HCN1: variants seen among roughly 807,000 people sequenced by gnomAD.
The protein encoded by HCN1 is potassium/sodium hyperpolarization-activated cyclic nucleotide-gated channel 1.
HCN1 carries 13 observed loss-of-function variants against 78.9 expected under a neutral mutation model. That is an observed-to-expected ratio of 0.16 (90% CI 0.11 to 0.26). HCN1 has a LOEUF of 0.26. HCN1 is among the 10% of genes least tolerant of loss of function. The pLI, the probability that HCN1 is intolerant of heterozygous loss-of-function variation, is 1.00. For synonymous variants in HCN1, 552 were observed against 455.5 expected, an observed-to-expected ratio of 1.21 and a Z score of -2.70; for missense variants, 810 against 1,154.3, an observed-to-expected ratio of 0.70 and a Z score of 4.32.
intron 2 of HCN1, among the ~76,000 whole-genome samples, chr5:45,567,780 T>G (rs1743739600): frequency 6.6e-6 from 1 of 152,048 alleles, no homozygotes; most frequent in Non-Finnish European, 1.5e-5. Context: ...TGAATGGCCA[T>G]TTTAACTGTC....
At chr5:45,494,028 C>G (rs1400641957) in intron 2 of HCN1, among the ~76,000 whole-genome samples, 1 of 152,058 alleles carries the variant, frequency 6.6e-6, no homozygotes, top group Non-Finnish European at 1.5e-5. Context: ...GGTTCCAAGT[C>G]TTTGCTATTG....
intron 2 of HCN1, among the ~76,000 whole-genome samples, chr5:45,518,692 T>C (rs1415867697): frequency 6.6e-6 from 1 of 151,966 alleles, no homozygotes; most frequent in Non-Finnish European, 1.5e-5. Flanking sequence ...GAAAAATTCA[T>C]CCTGGGGGTC....
chr5:45,443,965 A>C (rs987362566), intron 3 of HCN1, among the ~76,000 whole-genome samples: 2 of 152,186 alleles, frequency 1.3e-5, no homozygotes, highest in Non-Finnish European at 2.9e-5. Flanking sequence ...AGTAATACAA[A>C]GTTATGAACC....
Position 45,262,260 on chromosome 5 carries a change from G to C in HCN1, c.2334C>G (p.Asn778Lys). ...HKSTQALHNT[N>K]LTREVRPLSA... is the part of the protein sequence containing the mutation. ...AGAGTGGCCTGACTTCCCGGGTCAG[G>C]TTGGTGTTGTGAAGCGCCTGCGTGC... Residue 778 changes from asparagine to lysine, a missense_variant, in exon 8 of 8, where the codon AAC becomes AAG. Physicochemically the swap from Asn to Lys is moderately conservative, Grantham distance 94. Coordinates refer to ENST00000303230, the MANE Select transcript of HCN1 (RefSeq NM_021072.4). 1 of 1,614,028 alleles carries C rather than the reference G, an allele frequency of 6.2e-7. No homozygotes were observed. Among genetic ancestry groups the C allele is most frequent in the Non-Finnish European group, 8.5e-7 (1 of 1,180,042 alleles).
chr5:45,279,050 T>A (rs1745113922), intron 6 of HCN1, among the ~76,000 whole-genome samples: 1 of 152,110 alleles, frequency 6.6e-6, no homozygotes, highest in African/African-American at 2.4e-5. Flanking sequence ...TCCTTACAAA[T>A]AGATGTCCTT....
intron 5 of HCN1, among the ~76,000 whole-genome samples, chr5:45,313,154 C>A (rs1448782028): frequency 6.6e-6 from 1 of 152,118 alleles, no homozygotes; most frequent in Non-Finnish European, 1.5e-5. Context: ...GCAGAGTACC[C>A]CTCTGAGATG....
chr5:45,598,735 C>T (rs1744558744), intron 2 of HCN1, among the ~76,000 whole-genome samples: 2 of 152,096 alleles, frequency 1.3e-5, no homozygotes, highest in South Asian at 2.1e-4. Flanking sequence ...AAACCAACCC[C>T]ACCAAAAAGT....
intron 5 of HCN1, among the ~76,000 whole-genome samples, chr5:45,316,049 T>C (rs2111926331): frequency 6.6e-6 from 1 of 152,310 alleles, no homozygotes; most frequent in East Asian, 1.9e-4. Context: ...GAGGGAATCC[T>C]ACCTAACTCA....
chr5:45,302,037 T>A (rs1745637299), intron 6 of HCN1, among the ~76,000 whole-genome samples: 1 of 152,072 alleles, frequency 6.6e-6, no homozygotes, highest in Admixed American at 6.6e-5. Flanking sequence ...TTAGTAACTC[T>A]AAGAAGAAAT....
At chr5:45,291,435 C>T (rs748815599) in intron 6 of HCN1, among the ~76,000 whole-genome samples, 2 of 152,080 alleles carry the variant, frequency 1.3e-5, no homozygotes, top group African/African-American at 4.8e-5. Flanking sequence ...CATCCTTTTG[C>T]TCTTGGAACT....
Position 45,481,971 on chromosome 5 carries a change from C to CA in HCN1, c.850-19965dup, listed in dbSNP as rs11324015. The stretch of plus-strand genomic sequence containing the variant: ...ACTGAAATCCTAAAAGAAAAACAAA[C>CA]AAAAAAAACAAACAAAAACAAATGT... On this transcript the variant is annotated intron_variant, in intron 2 of 7. Transcript: ENST00000303230. Among the ~76,000 whole-genome samples, 13 of 151,656 alleles carry CA rather than the reference C, an allele frequency of 8.6e-5. No individual in the cohort carries two copies. The East Asian group carries it at 9.7e-4, about 11-fold the overall frequency.
Position 45,278,171 on chromosome 5 carries a change from G to C in HCN1, c.1619-10918C>G, listed in dbSNP as rs764775029. 1.1e-4 allele frequency among the ~76,000 whole-genome samples: 16 copies of C among 152,066 alleles called. 1 individual carries two copies. The highest frequency in any genetic ancestry group is 4.6e-4 in the Admixed American group (7 of 15,252). On this transcript the variant is annotated intron_variant, in intron 6 of 7. Coordinates refer to ENST00000303230, the MANE Select transcript of HCN1 (RefSeq NM_021072.4). ...CTACTCGTGACCTCTTTCAGGTCCA[G>C]AAGTTCATACCAGTCCATTTTGTTA...
intron 5 of HCN1, among the ~76,000 whole-genome samples, chr5:45,335,487 T>C (rs1746434401): frequency 6.6e-6 from 1 of 152,126 alleles, no homozygotes; most frequent in Admixed American, 6.6e-5. Flanking sequence ...GAAAGCTTAC[T>C]AGCAGATTGT....
At chr5:45,407,958 G>A (rs1739957693) in intron 3 of HCN1, among the ~76,000 whole-genome samples, 1 of 152,114 alleles carries the variant, frequency 6.6e-6, no homozygotes, top group South Asian at 2.1e-4. Context: ...GTGTGCTTGT[G>A]TCTTAGTTTT....
At chr5:45,544,996 T>C (rs1743182073) in intron 2 of HCN1, among the ~76,000 whole-genome samples, 2 of 152,146 alleles carry the variant, frequency 1.3e-5, no homozygotes, top group South Asian at 4.1e-4. Flanking sequence ...ATGGTATTTC[T>C]AGTTCTAGAT....
intron 6 of HCN1, among the ~76,000 whole-genome samples, chr5:45,283,857 C>T (rs1018312875): frequency 6.6e-6 from 1 of 152,102 alleles, no homozygotes; most frequent in African/African-American, 2.4e-5. Context: ...TTGATTGCAG[C>T]ACTATGCACA....
intron 2 of HCN1, among the ~76,000 whole-genome samples, chr5:45,466,866 T>C (rs1266481136): frequency 6.6e-6 from 1 of 152,130 alleles, no homozygotes; most frequent in Non-Finnish European, 1.5e-5. Context: ...CACTGACCAA[T>C]GACTGCAGTC....
chr5:45,592,640 T>C (rs896144156), intron 2 of HCN1, among the ~76,000 whole-genome samples: 1 of 152,168 alleles, frequency 6.6e-6, no homozygotes, highest in Admixed American at 6.6e-5. Flanking sequence ...GTTTTTGAGC[T>C]CCTTGAACTG....
rs568971028 is a variant in HCN1, at chr5:45,490,145, A to G, written c.850-28138T>C. ...ACACAGGGAACAACATGTGCAAAATATGAAGCAGGGGAGAAAATAGCTCAT... is the reference window on the plus strand; with the variant it reads ...ACACAGGGAACAACATGTGCAAAATGTGAAGCAGGGGAGAAAATAGCTCAT... On this transcript the variant is annotated intron_variant, in intron 2 of 7. Transcript: ENST00000303230. 1.2e-4 allele frequency among the ~76,000 whole-genome samples: 19 copies of G among 152,306 alleles called. No individual in the cohort carries two copies. In the East Asian group the frequency reaches 3.5e-3, roughly 28 times the overall value.
Sources: gnomAD v4.1 joint callset for allele counts (sites outside exome capture counted in the v4.1 genomes callset) on GRCh38, gnomAD v4.1.1 for gene constraint, MANE v1.5 for transcripts, NCBI Gene and HGNC (gene_info 2026-07-23, HGNC 2026-07-21) for gene names.